Variants in ZNF599 observed in about 807,000 individuals in gnomAD.
The protein encoded by ZNF599 is zinc finger protein 599.
A neutral mutation model predicts 11.7 loss-of-function variants in ZNF599; 10 were observed. The ratio of observed to expected loss-of-function variants is 0.86; its 90% confidence interval spans 0.53 to 1.45. The LOEUF is 1.45. Ranked by LOEUF, ZNF599 falls within the 40% of genes most tolerant of loss-of-function variation. The pLI, the probability that ZNF599 is intolerant of heterozygous loss-of-function variation, is 0.00. For missense variants in ZNF599, 688 were observed against 713.6 expected (o/e 0.96, Z 0.41); for synonymous variants, 232 against 253.2 (o/e 0.92, Z 0.79).
chr19:34,774,238 GC>G (rs2069205782), upstream of ZNF599, among the ~76,000 whole-genome samples: 1 of 152,076 alleles, frequency 6.6e-6, no homozygotes, highest in Non-Finnish European at 1.5e-5. Context: ...ATGTAAGATG[GC>G]GTGTCACTGT....
the ZNF599 span, among the ~76,000 whole-genome samples, chr19:34,794,384 T>C: frequency 6.6e-6 from 1 of 152,130 alleles, no homozygotes; most frequent in Non-Finnish European, 1.5e-5. Context: ...TTATAATTAA[T>C]GTACAATGAG....
chr19:34,805,344 C>T, the ZNF599 span, among the ~76,000 whole-genome samples: 4 of 152,054 alleles, frequency 2.6e-5, no homozygotes, highest in East Asian at 3.9e-4. Flanking sequence ...ACTACAGGCA[C>T]GTGCCACCAC....
chr19:34,777,360 TA>T (rs1268173366), upstream of ZNF599, among the ~76,000 whole-genome samples: 31 of 93,636 alleles, frequency 3.3e-4, no homozygotes, highest in African/African-American at 1.3e-3. Flanking sequence ...TATTATATAT[TA>T]ATATATTATA....
the ZNF599 span, among the ~76,000 whole-genome samples, chr19:34,804,315 T>C: frequency 6.6e-6 from 1 of 152,242 alleles, no homozygotes; most frequent in African/African-American, 2.4e-5. Context: ...TCTATTCTTC[T>C]CTTAGAAGCC....
chr19:34,804,670 G>A, the ZNF599 span, among the ~76,000 whole-genome samples: 1 of 152,062 alleles, frequency 6.6e-6, no homozygotes, highest in Non-Finnish European at 1.5e-5. Context: ...CTCTTCACAT[G>A]GCCAAAACAA....
chr19:34,772,538 A>G lies in ZNF599; in HGVS notation c.18+286T>C, dbSNP rs906979598. Reference sequence around the variant, plus strand: ...GCTCCCTCCACAGAGAAAATTACTGAGACTCGCATTTTAGACCCGAGGGAA... The same window carrying G: ...GCTCCCTCCACAGAGAAAATTACTGGGACTCGCATTTTAGACCCGAGGGAA... On this transcript the variant is annotated intron_variant, in intron 1 of 3. Transcript: ENST00000329285. 12 of 1,334,570 alleles carry G rather than the reference A, an allele frequency of 9.0e-6. No individual in the cohort carries two copies. In the African/African-American group the frequency reaches 1.5e-4, roughly 17 times the overall value. The allele number at this position is 1,334,570 out of a possible 1,614,324, so 82.7% of individuals were successfully genotyped here. A position where few individuals can be genotyped will look rare whatever the true frequency, so the allele number is the denominator to read the frequency against.
chr19:34,782,001 G>A, the ZNF599 span, among the ~76,000 whole-genome samples: 1 of 152,186 alleles, frequency 6.6e-6, no homozygotes, highest in Admixed American at 6.5e-5. Flanking sequence ...TATGGATGAG[G>A]TATGGCCATT....
chr19:34,777,897 A>C (rs1025937890), upstream of ZNF599, among the ~76,000 whole-genome samples: 2 of 152,068 alleles, frequency 1.3e-5, no homozygotes, highest in Non-Finnish European at 2.9e-5. Context: ...GAGCTGCTGA[A>C]CAACACAGTG....
At chr19:34,766,626 C>A (rs139364753) in intron 3 of ZNF599, among the ~76,000 whole-genome samples, 129 of 152,322 alleles carry the variant, frequency 8.5e-4, no homozygotes, top group African/African-American at 2.9e-3. Context: ...CCAAACAACC[C>A]AGTCATGCAG....
chr19:34,799,616 A>C, the ZNF599 span, among the ~76,000 whole-genome samples: 1 of 152,232 alleles, frequency 6.6e-6, no homozygotes, highest in Non-Finnish European at 1.5e-5. Flanking sequence ...AGGGCCTTTA[A>C]GGACCTAATT....
At chr19:34,794,156 G>C in the ZNF599 span, among the ~76,000 whole-genome samples, 1 of 152,090 alleles carries the variant, frequency 6.6e-6, no homozygotes, top group Non-Finnish European at 1.5e-5. Context: ...ACTATCACAA[G>C]GACAGCATGG....
At chr19:34,784,534 G>A in the ZNF599 span, among the ~76,000 whole-genome samples, 39 of 152,134 alleles carry the variant, frequency 2.6e-4, no homozygotes, top group African/African-American at 8.9e-4. Context: ...CCAACATGGT[G>A]GTGATCCTGG....
chr19:34,807,395 G>A, the ZNF599 span, among the ~76,000 whole-genome samples: 121 of 152,294 alleles, frequency 7.9e-4, 3 homozygotes, highest in African/African-American at 2.7e-3. Context: ...ACAGCCACAT[G>A]GCAGCCTCCA....
the ZNF599 span, among the ~76,000 whole-genome samples, chr19:34,782,232 G>A: frequency 6.6e-6 from 1 of 152,212 alleles, no homozygotes; most frequent in Non-Finnish European, 1.5e-5. Context: ...AAGCACCTTG[G>A]CAGGTGAGTG....
chr19:34,800,636 C>T, the ZNF599 span, among the ~76,000 whole-genome samples: 9 of 133,750 alleles, frequency 6.7e-5, no homozygotes, highest in Non-Finnish European at 1.4e-4. Flanking sequence ...CGCTCTGTCA[C>T]CCAGGCTGCA....
In ZNF599 at chr19:34,760,133, C is replaced by A. The variant is rs764957199; in HGVS notation, c.668G>T (p.Gly223Val). The change falls in exon 4 of 4, where the codon GGA (glycine) becomes GTA (valine). Residue 223 changes from glycine to valine, a missense_variant. Physicochemically the swap from Gly to Val is moderately radical, Grantham distance 109. Transcript: ENST00000329285. ...ALVRHQQIHA[G>V]VKPYECNECG... ...CTCATTGCACTCATAGGGCTTCACTCCAGCATGAATCTGTTGATGCCGAAC... is the reference window on the plus strand; with the variant it reads ...CTCATTGCACTCATAGGGCTTCACTACAGCATGAATCTGTTGATGCCGAAC... The A allele has an allele frequency of 2.5e-5, 40 of 1,614,066 alleles. No individual in the cohort carries two copies. The highest frequency in any genetic ancestry group is 3.1e-5 in the Non-Finnish European group (36 of 1,180,038).
Position 34,759,714 on chromosome 19 carries a change from C to T in ZNF599, c.1087G>A (p.Gly363Arg). Reference sequence around the variant, plus strand: ...TCTTTACATAAAAATGGTTTTTCTCCTGTGTGGGTCACATTGTGCTGGATA... The same window carrying T: ...TCTTTACATAAAAATGGTTTTTCTCTTGTGTGGGTCACATTGTGCTGGATA... ...TFIQHNVTHTGEKPFLCKECG... is the reference protein window; with the variant it reads ...TFIQHNVTHTREKPFLCKECG... The change falls in exon 4 of 4, where the codon GGA (glycine) becomes AGA (arginine). Residue 363 changes from glycine to arginine, a missense_variant. Transcript: ENST00000329285. 1.2e-6 allele frequency: 2 copies of T among 1,614,074 alleles called. No individual in the cohort carries two copies. The highest frequency in any genetic ancestry group is 1.7e-6 in the Non-Finnish European group (2 of 1,180,020).
chr19:34,771,085 G>T (rs1250274858), intron 1 of ZNF599, among the ~76,000 whole-genome samples: 4 of 152,020 alleles, frequency 2.6e-5, no homozygotes, highest in Admixed American at 2.6e-4. Context: ...GGCCAGCCTG[G>T]GCAACACAGT....
At chr19:34,761,570 T>C (rs1179379986) in intron 3 of ZNF599, among the ~76,000 whole-genome samples, 1 of 152,200 alleles carries the variant, frequency 6.6e-6, no homozygotes, top group African/African-American at 2.4e-5. Context: ...GCAGTGTGAT[T>C]AGGCATAGAT....
Sources: allele counts gnomAD v4.1 joint callset (sites outside exome capture counted in the v4.1 genomes callset), GRCh38; gene constraint gnomAD v4.1.1; transcripts MANE v1.5; gene names NCBI Gene and HGNC (gene_info 2026-07-23, HGNC 2026-07-21).